Variants in MCM4 observed in about 807,000 individuals in gnomAD.
MCM4 encodes minichromosome maintenance complex component 4, also known as DNA replication licensing factor MCM4.
Under a neutral mutation model 88.7 loss-of-function variants are expected in MCM4, and 60 were observed. The observed-to-expected ratio is 0.68, with a 90% confidence interval of 0.55 to 0.84. The LOEUF (loss-of-function observed/expected upper bound fraction) is 0.84, where lower values mean the gene tolerates loss of function less well. MCM4 is among the 40% of genes least tolerant of loss of function. The probability of loss-of-function intolerance (pLI) is 0.00; values close to 1 mark genes in which losing one functional copy is unlikely to be tolerated. For synonymous variants in MCM4, 465 were observed against 410.5 expected (o/e 1.13, Z -1.61); for missense variants, 1,149 against 1,105.5 (o/e 1.04, Z -0.56).
intron 7 of MCM4, 126 bp downstream of exon 7, chr8:47,963,166 C>G (rs1054195397): frequency 9.9e-6 from 6 of 603,326 alleles, no homozygotes; most frequent in Non-Finnish European, 1.4e-5. Context: ...AGTATCATCT[C>G]CTTTGGCCCG....
At chr8:47,970,991 A>T in intron 12 of MCM4, 115 bp downstream of exon 12, 2 of 1,262,574 alleles carry the variant, frequency 1.6e-6, no homozygotes, top group Non-Finnish European at 2.2e-6. Flanking sequence ...GGAGATTGAT[A>T]AGTGCTTTCC....
rs2090911254 is a variant in MCM4 at position 47,967,491 on chromosome 8, AGT to A, written c.1174+9_1174+10del. 1.2e-6 allele frequency: 2 copies of A among 1,614,048 alleles called. No individual in the cohort carries two copies. The highest frequency in any genetic ancestry group is 1.7e-6 in the Non-Finnish European group (2 of 1,179,974). ...GGACAGAGTGAATGTTACAGGTAAG[AGT>A]GTAGGTTTGCACCAGCACTTGAGCA... is the stretch of plus-strand genomic sequence containing the variant. On this transcript the variant is annotated splice_region_variant and intron_variant, in intron 10 of 16. Transcript: ENST00000649973.
At chr8:47,961,884 C>G in intron 3 of MCM4, 169 bp from the exon 4 acceptor site, 1 of 897,532 alleles carries the variant, frequency 1.1e-6, no homozygotes, top group Non-Finnish European at 1.7e-6. Flanking sequence ...AGCAGCTTCT[C>G]TGGTGCTTTT....
chr8:47,973,549 G>A (rs2090974809), intron 14 of MCM4: 1 of 154,650 alleles, frequency 6.5e-6, no homozygotes, highest in Admixed American at 6.4e-5. Flanking sequence ...CTGGACTGCA[G>A]TGGCGCGATC....
rs1392035887 is a variant in MCM4, at chr8:47,969,992, G to T, written c.1369G>T (p.Asp457Tyr). 1 of 1,614,086 alleles carries T rather than the reference G, an allele frequency of 6.2e-7. No individual in the cohort carries two copies. The highest frequency in any genetic ancestry group is 1.7e-5 in the Admixed American group (1 of 60,010). Residue 457 changes from aspartate (D) to tyrosine (Y), a missense_variant, in exon 11 of 17, where the codon GAC (aspartate) becomes TAC (tyrosine). By Grantham distance (160) the Asp-to-Tyr change is radical. This residue lies in a region of MCM4 where 906 missense variants were observed against 843.0 expected (regional missense o/e 1.07). Transcript: ENST00000649973. ...GCTTAAGGAACTTTCCAGGAAACCA[G>T]ACATTTATGAGAGGCTTGCTTCAGC... The part of the protein sequence containing the change: ...ELLKELSRKP[D>Y]IYERLASALA...
chr8:47,963,097 C>A, intron 7 of MCM4, 57 bp downstream of exon 7: 2 of 1,013,672 alleles, frequency 2.0e-6, no homozygotes, highest in East Asian at 2.4e-5. Context: ...AAGAATGTTT[C>A]CAGATAACAG....
chr8:47,968,516 T>C (rs182321791), intron 10 of MCM4, among the ~76,000 whole-genome samples: 2 of 152,234 alleles, frequency 1.3e-5, no homozygotes, highest in African/African-American at 4.8e-5. Context: ...TGTGTGAGAG[T>C]GTTTGGGGCC....
intron 8 of MCM4, among the ~76,000 whole-genome samples, chr8:47,965,604 G>A (rs2090891323): frequency 6.6e-6 from 1 of 152,162 alleles, no homozygotes; most frequent in Admixed American, 6.5e-5. Flanking sequence ...TGCGGGCAGT[G>A]GGACCTTCAA....
chr8:47,976,732 A>T lies in MCM4; in HGVS notation c.2546A>T (p.Asp849Val), dbSNP rs1391963388. 6.2e-7 allele frequency: 1 copy of T among 1,613,568 alleles called. No individual in the cohort carries two copies. The highest frequency in any genetic ancestry group is 8.5e-7 in the Non-Finnish European group (1 of 1,179,682). ...MFEEALRALA[D>V]DDFLTVTGKT... Reference sequence around the variant, plus strand: ...GAAGAAGCACTGCGTGCCCTGGCAGATGATGATTTCCTGACAGTGACTGGG... The same window carrying T: ...GAAGAAGCACTGCGTGCCCTGGCAGTTGATGATTTCCTGACAGTGACTGGG... Residue 849 changes from aspartate (D) to valine (V), a missense_variant, in exon 17 of 17, where the codon GAT becomes GTT. This residue lies in a region of MCM4 where 238 missense variants were observed against 241.6 expected (regional missense o/e 0.99). Coordinates refer to ENST00000649973, the MANE Select transcript of MCM4 (RefSeq NM_182746.3).
intron 13 of MCM4, among the ~76,000 whole-genome samples, chr8:47,971,912 A>G (rs1437803007): frequency 6.6e-6 from 1 of 152,040 alleles, no homozygotes; most frequent in African/African-American, 2.4e-5. Context: ...TCCCAAAAAA[A>G]CAGTTGAATG....
At chr8:47,975,150 AAC>A (rs1006489381) in intron 15 of MCM4, 188 bp downstream of exon 15, 9 of 537,028 alleles carry the variant, frequency 1.7e-5, no homozygotes, top group African/African-American at 3.8e-5. Context: ...AATATTGATT[AAC>A]ACACACAGTT....
At position 47,961,544 on chromosome 8, in the gene MCM4, C is replaced by T. The variant is rs199890906; in HGVS notation, c.99C>T (p.Pro33=). 81 of 1,614,066 alleles carry T rather than the reference C, an allele frequency of 5.0e-5. No homozygotes were observed. The South Asian group carries it at 5.0e-4, about 10-fold the overall frequency. Residue 33 remains proline (P), a synonymous_variant, in exon 3 of 17, where the codon CCC becomes CCT. Transcript: ENST00000649973. The part of the protein sequence containing the change: ...TPRSEDARSS[P]SQRRRGEDST... ...GGAGTGAGGATGCCAGGTCATCTCCCTCTCAGAGACGTAGAGGCGAGGATT... is the reference window on the plus strand; with the variant it reads ...GGAGTGAGGATGCCAGGTCATCTCCTTCTCAGAGACGTAGAGGCGAGGATT...
intron 9 of MCM4, 123 bp downstream of exon 9, chr8:47,966,530 C>T: frequency 7.0e-6 from 7 of 1,001,064 alleles, no homozygotes; most frequent in South Asian, 4.9e-5. Flanking sequence ...CCTCTCTGGT[C>T]TTGTGGGTTT....
chr8:47,966,101 G>A (rs973324336), intron 8 of MCM4, 86 bp from the exon 9 acceptor site: 10 of 1,097,736 alleles, frequency 9.1e-6, no homozygotes, highest in Admixed American at 5.3e-5. Context: ...AGAGTCTTGG[G>A]CACCTAGCTC....
intron 11 of MCM4, among the ~76,000 whole-genome samples, 194 bp downstream of exon 11, chr8:47,970,251 C>G (rs1329718436): frequency 6.6e-6 from 1 of 152,192 alleles, no homozygotes; most frequent in Non-Finnish European, 1.5e-5. Flanking sequence ...CTGGTCTAAA[C>G]TTAGGTTTCT....
chr8:47,970,643 G>C lies in MCM4; in HGVS notation c.1567G>C (p.Val523Leu), dbSNP rs144129405. Residue 523 changes from valine (V) to leucine (L), a missense_variant, in exon 12 of 17, where the codon GTG (valine) becomes CTG (leucine). By Grantham distance (32) the Val-to-Leu change is conservative. Around this residue, in one of 3 missense-constraint regions of MCM4, gnomAD observed 906 missense variants for 843.0 expected, o/e 1.07. Transcript: ENST00000649973. The stretch of plus-strand genomic sequence containing the variant: ...CAGCAAGTCCCAGCTGCTGCAGTAC[G>C]TGTACAACCTCGTCCCCAGGGGCCA... ...GTSKSQLLQY[V>L]YNLVPRGQYT... 9 of 1,614,052 alleles carry C rather than the reference G, an allele frequency of 5.6e-6. No homozygotes were observed. Among genetic ancestry groups the C allele is most frequent in the Non-Finnish European group, 7.6e-6 (9 of 1,180,050 alleles).
At chr8:47,976,604 T>C in intron 16 of MCM4, 82 bp from the exon 17 acceptor site, 5 of 1,015,826 alleles carry the variant, frequency 4.9e-6, no homozygotes, top group Non-Finnish European at 7.6e-6. Flanking sequence ...GGTGGTACTT[T>C]AACATTATAA....
At chr8:47,971,538 G>T (rs937823821) in intron 13 of MCM4, 70 bp downstream of exon 13, 1 of 1,528,914 alleles carries the variant, frequency 6.5e-7, no homozygotes. Flanking sequence ...GAGCTACTAA[G>T]ATTTCAGCAA....
rs746957907 is a variant in MCM4 at position 47,967,400 on chromosome 8, A to G, written c.1089A>G (p.Ala363=). The change falls in exon 10 of 17, where the codon GCA becomes GCG. Residue 363 remains alanine, a synonymous_variant. Coordinates refer to ENST00000649973, the MANE Select transcript of MCM4 (RefSeq NM_182746.3). ...AGGAGTCTCCGGAAGACATGCCTGC[A>G]GGGCAGACACCACACACAGTTATCC... ...KLQESPEDMP[A]GQTPHTVILF... 8.1e-6 allele frequency: 13 copies of G among 1,614,208 alleles called. No individual in the cohort carries two copies. Among genetic ancestry groups the G allele is most frequent in the Non-Finnish European group, 1.1e-5 (13 of 1,180,024 alleles).
Sources: allele counts gnomAD v4.1 joint callset (sites outside exome capture counted in the v4.1 genomes callset), GRCh38; gene constraint gnomAD v4.1.1; regional missense constraint gnomAD v4.1.1; transcripts MANE v1.5; gene names NCBI Gene and HGNC (gene_info 2026-07-23, HGNC 2026-07-21).